The following CNBD1 variants were observed in gnomAD, a reference collection of about 807,000 sequenced individuals.
The protein encoded by CNBD1 is cyclic nucleotide-binding domain-containing protein 1.
CNBD1 carries 71 observed loss-of-function variants against 54.4 expected under a neutral mutation model. The ratio of observed to expected loss-of-function variants is 1.30; its 90% CI spans 1.08 to 1.59. The LOEUF (loss-of-function observed/expected upper bound fraction) is 1.59. Among genes scored for constraint, CNBD1 ranks in the 40% most tolerant of loss-of-function variants. CNBD1 has a pLI of 0.00. For missense variants in CNBD1, 659 were observed against 518.0 expected, an observed-to-expected ratio of 1.27 and a Z score of -2.64; for synonymous variants, 182 against 170.7, an observed-to-expected ratio of 1.07 and a Z score of -0.51.
chr8:86,992,555 T>C (rs553681104), intron 4 of CNBD1, among the ~76,000 whole-genome samples: 16 of 152,246 alleles, frequency 1.1e-4, no homozygotes, highest in African/African-American at 3.9e-4. Context: ...GTAGTTTTTT[T>C]TTAAGTGTCT....
intron 4 of CNBD1, among the ~76,000 whole-genome samples, chr8:87,174,179 C>T (rs1042905834): frequency 3.9e-5 from 6 of 151,968 alleles, no homozygotes; most frequent in Non-Finnish European, 7.4e-5. Context: ...TGGATGGTCT[C>T]GATCTCTTGA....
chr8:87,269,012 AATG>A (rs1586378833), intron 6 of CNBD1, among the ~76,000 whole-genome samples: 2 of 152,036 alleles, frequency 1.3e-5, no homozygotes, highest in Admixed American at 6.6e-5. Context: ...TGATATCCAG[AATG>A]ATATTTTCTA....
chr8:86,941,861 G>A (rs567594144), intron 4 of CNBD1, among the ~76,000 whole-genome samples: 1 of 152,308 alleles, frequency 6.6e-6, no homozygotes, highest in Non-Finnish European at 1.5e-5. Flanking sequence ...GACAATAGAT[G>A]TTGGGTCAGT....
At chr8:86,986,752 C>G (rs1808617349) in intron 4 of CNBD1, among the ~76,000 whole-genome samples, 1 of 152,134 alleles carries the variant, frequency 6.6e-6, no homozygotes, top group Non-Finnish European at 1.5e-5. Context: ...TATTCCAGCA[C>G]CATATGTTGA....
intron 6 of CNBD1, among the ~76,000 whole-genome samples, chr8:87,257,109 C>T (rs1396372540): frequency 6.6e-6 from 1 of 152,032 alleles, no homozygotes; most frequent in Non-Finnish European, 1.5e-5. Flanking sequence ...GTGGCTCATG[C>T]CTGTAATCCC....
intron 4 of CNBD1, among the ~76,000 whole-genome samples, chr8:87,031,430 C>G (rs749370982): frequency 1.3e-5 from 2 of 152,108 alleles, no homozygotes; most frequent in Non-Finnish European, 2.9e-5. Context: ...ATCATGCCTC[C>G]TTATCAGTAG....
At chr8:87,365,840 C>G (rs1252155521) in intron 10 of CNBD1, among the ~76,000 whole-genome samples, 1 of 152,028 alleles carries the variant, frequency 6.6e-6, no homozygotes, top group Non-Finnish European at 1.5e-5. Flanking sequence ...AATTACAACT[C>G]ACAGGAAGCA....
chr8:86,915,211 G>A (rs921937928), intron 3 of CNBD1, among the ~76,000 whole-genome samples: 2 of 146,500 alleles, frequency 1.4e-5, no homozygotes, highest in Non-Finnish European at 2.9e-5. Flanking sequence ...TAGCTTCTGG[G>A]TGGGGCCACA....
intron 8 of CNBD1, among the ~76,000 whole-genome samples, chr8:87,291,232 G>C (rs1352213104): frequency 6.6e-6 from 1 of 151,822 alleles, no homozygotes; most frequent in Admixed American, 6.6e-5. Context: ...TGCCAACCTG[G>C]ACTTTTATTA....
chr8:87,007,575 T>C (rs1176178131), intron 4 of CNBD1, among the ~76,000 whole-genome samples: 1 of 152,160 alleles, frequency 6.6e-6, no homozygotes, highest in Non-Finnish European at 1.5e-5. Flanking sequence ...CTTTCCTATG[T>C]TACTGATGGT....
chr8:87,265,811 A>G (rs1369346906), intron 6 of CNBD1, among the ~76,000 whole-genome samples: 1 of 152,178 alleles, frequency 6.6e-6, no homozygotes, highest in African/African-American at 2.4e-5. Flanking sequence ...TATATTGTCT[A>G]TTACAGAAGA....
intron 4 of CNBD1, among the ~76,000 whole-genome samples, chr8:86,971,517 T>C (rs556499041): frequency 1.3e-5 from 2 of 152,224 alleles, no homozygotes; most frequent in African/African-American, 4.8e-5. Context: ...TTTTATGTTA[T>C]CTTTGGATAA....
chr8:87,348,461 C>T (rs1405706306), intron 8 of CNBD1, among the ~76,000 whole-genome samples: 1 of 152,058 alleles, frequency 6.6e-6, no homozygotes, highest in Non-Finnish European at 1.5e-5. Flanking sequence ...AGAAAACATT[C>T]TCAAAAGGGA....
intron 3 of CNBD1, among the ~76,000 whole-genome samples, chr8:86,917,128 C>G (rs568061391): frequency 6.7e-6 from 1 of 149,762 alleles, no homozygotes; most frequent in East Asian, 2.0e-4. Flanking sequence ...GGTGACAGAG[C>G]GAGACTCTGT....
chr8:87,070,109 C>G (rs934438438), intron 4 of CNBD1, among the ~76,000 whole-genome samples: 5 of 152,030 alleles, frequency 3.3e-5, no homozygotes, highest in Non-Finnish European at 5.9e-5. Flanking sequence ...CATTTCTGGA[C>G]ATTTGAGCAC....
chr8:87,379,317 A>T (rs190540309), intron 10 of CNBD1, among the ~76,000 whole-genome samples: 25 of 152,084 alleles, frequency 1.6e-4, no homozygotes, highest in African/African-American at 6.0e-4. Context: ...CATTAGACAG[A>T]TCAACGAGAC....
Position 86,959,053 on chromosome 8 carries a change from G to T in CNBD1, c.431+19299G>T, listed in dbSNP as rs923082671. 2.6e-5 allele frequency among the ~76,000 whole-genome samples: 4 copies of T among 152,142 alleles called. 1 individual carries two copies. The South Asian group carries it at 8.3e-4, about 32-fold the overall frequency. Reference sequence around the variant, plus strand: ...TTGTAAAGCAGGCCTGGTGGTGACAGAATCTCTCTGCATTTGTTTGTCTCT... The same window carrying T: ...TTGTAAAGCAGGCCTGGTGGTGACATAATCTCTCTGCATTTGTTTGTCTCT... On this transcript the variant is annotated intron_variant, in intron 4 of 10. Coordinates refer to ENST00000518476, the MANE Select transcript of CNBD1 (RefSeq NM_173538.3).
At chr8:87,354,491 G>T (rs147253871) in intron 10 of CNBD1, among the ~76,000 whole-genome samples, 1 of 151,604 alleles carries the variant, frequency 6.6e-6, no homozygotes, top group African/African-American at 2.4e-5. Flanking sequence ...GTGCCATGTT[G>T]GTGTGCTGCA....
At chr8:87,275,926 A>T (rs1432224377) in intron 6 of CNBD1, among the ~76,000 whole-genome samples, 1 of 151,978 alleles carries the variant, frequency 6.6e-6, no homozygotes, top group Non-Finnish European at 1.5e-5. Flanking sequence ...TTATACACCA[A>T]TAACAGACAG....
Sources: allele counts gnomAD v4.1 joint callset (sites outside exome capture counted in the v4.1 genomes callset), GRCh38; gene constraint gnomAD v4.1.1; transcripts MANE v1.5; gene names NCBI Gene and HGNC (gene_info 2026-07-23, HGNC 2026-07-21).